ZC2HC1A: variants seen among roughly 807,000 people sequenced by gnomAD.
ZC2HC1A encodes the protein zinc finger C2HC-type containing 1A.
ZC2HC1A carries 28 observed loss-of-function variants against 40.7 expected under a neutral mutation model. That is an observed-to-expected ratio of 0.69 (90% CI 0.51 to 0.94). ZC2HC1A has a LOEUF of 0.94. Ranked by LOEUF, ZC2HC1A falls within the 40% of genes least tolerant of loss-of-function variation. The pLI is 0.00. For missense variants in ZC2HC1A, 389 were observed against 386.3 expected (o/e 1.01, Z -0.06); for synonymous variants, 129 against 129.2 (o/e 1.00, Z 0.01).
chr8:78,679,739 T>C (rs1660973658), intron 3 of ZC2HC1A, among the ~76,000 whole-genome samples: 1 of 152,204 alleles, frequency 6.6e-6, no homozygotes, highest in Non-Finnish European at 1.5e-5. Flanking sequence ...CTTCCAGTGG[T>C]ATAAGAACAT....
chr8:78,713,307 T>C (rs1484440756), intron 7 of ZC2HC1A, among the ~76,000 whole-genome samples: 2 of 152,068 alleles, frequency 1.3e-5, no homozygotes, highest in Non-Finnish European at 2.9e-5. Flanking sequence ...GTATTTAATA[T>C]TGGTAGCTAT....
chr8:78,709,595 C>T (rs1423409616), intron 7 of ZC2HC1A, among the ~76,000 whole-genome samples: 2 of 151,900 alleles, frequency 1.3e-5, no homozygotes, highest in African/African-American at 4.8e-5. Context: ...AGAGGTATGA[C>T]ACATTTCAAA....
At chr8:78,714,460 A>G (rs1811037443) in intron 7 of ZC2HC1A, among the ~76,000 whole-genome samples, 1 of 152,138 alleles carries the variant, frequency 6.6e-6, no homozygotes, top group South Asian at 2.1e-4. Flanking sequence ...TTTTCTCATA[A>G]CCTTTCTATA....
intron 2 of ZC2HC1A, among the ~76,000 whole-genome samples, chr8:78,677,984 G>T (rs912103485): frequency 3.3e-5 from 5 of 152,144 alleles, no homozygotes; most frequent in African/African-American, 1.2e-4. Context: ...GTAACTTCCT[G>T]ATGTTGCCAT....
At position 78,719,257 on chromosome 8, in the gene ZC2HC1A, T is replaced by C. The variant is rs192425869; in HGVS notation, c.*1764T>C. ...GTATTTTTTTAAGACCACATAATTC[T>C]TTTTGTCTGCTCAAGGAAAGGATAG... is the stretch of plus-strand genomic sequence containing the variant. On this transcript the variant is annotated 3_prime_UTR_variant, in exon 9 of 9. Coordinates refer to ENST00000263849, the MANE Select transcript of ZC2HC1A (RefSeq NM_016010.3). The C allele has an allele frequency of 2.0e-5, 3 of 151,888 alleles. No homozygotes were observed. Among genetic ancestry groups the C allele is most frequent in the South Asian group, 2.1e-4 (1 of 4,820 alleles). 9.4% of individuals were successfully genotyped at this position (151,888 alleles called of 1,614,324 possible). A position where few individuals can be genotyped will look rare whatever the true frequency, so the allele number is the denominator to read the frequency against.
intron 7 of ZC2HC1A, among the ~76,000 whole-genome samples, chr8:78,712,959 T>C (rs923447116): frequency 1.3e-5 from 2 of 152,170 alleles, no homozygotes; most frequent in Non-Finnish European, 2.9e-5. Context: ...TTTAAGATAC[T>C]AGCAGCAGCC....
rs1585978586 is a variant in ZC2HC1A, at chr8:78,676,136, A to C, written c.93+273A>C. ...AAAAACAAACAAAATAAAAAAAAAA[A>C]AACAAAATCAGATACCTTAGAAATA... is the stretch of plus-strand genomic sequence containing the variant. On this transcript the variant is annotated intron_variant, in intron 2 of 8. Coordinates refer to ENST00000263849, the MANE Select transcript of ZC2HC1A (RefSeq NM_016010.3). 19 of 254,780 alleles carry C rather than the reference A, an allele frequency of 7.5e-5. No individual in the cohort carries two copies. In the East Asian group the frequency reaches 1.2e-3, roughly 16 times the overall value. The allele number at this position is 254,780 out of a possible 1,614,324, so 15.8% of individuals were successfully genotyped here. A position where few individuals can be genotyped will look rare whatever the true frequency, so the allele number is the denominator to read the frequency against.
intron 3 of ZC2HC1A, among the ~76,000 whole-genome samples, chr8:78,681,363 A>C (rs1809770888): frequency 6.6e-6 from 1 of 152,234 alleles, no homozygotes; most frequent in Non-Finnish European, 1.5e-5. Flanking sequence ...AAAGAACAGC[A>C]GAACATCAGT....
intron 3 of ZC2HC1A, among the ~76,000 whole-genome samples, chr8:78,685,435 T>C (rs1809938148): frequency 1.3e-5 from 2 of 152,246 alleles, no homozygotes; most frequent in South Asian, 4.1e-4. Flanking sequence ...CCAGAGGCCA[T>C]AAAAGATCAG....
chr8:78,699,790 G>A (rs1810541987), intron 7 of ZC2HC1A, among the ~76,000 whole-genome samples: 1 of 152,068 alleles, frequency 6.6e-6, no homozygotes, highest in African/African-American at 2.4e-5. Flanking sequence ...CCCTCCTAAG[G>A]ACATGATCTA....
chr8:78,697,628 G>T, intron 6 of ZC2HC1A, 122 bp downstream of exon 6: 4 of 623,874 alleles, frequency 6.4e-6, no homozygotes, highest in South Asian at 2.2e-5. Flanking sequence ...AGATGTAGAA[G>T]TTAAGTAATT....
chr8:78,676,241 G>A (rs1463486165), intron 2 of ZC2HC1A: 1 of 154,968 alleles, frequency 6.5e-6, no homozygotes, highest in Non-Finnish European at 1.4e-5. Flanking sequence ...AGGGATAGAT[G>A]AAACAAAATA....
intron 1 of ZC2HC1A, among the ~76,000 whole-genome samples, chr8:78,671,320 A>T (rs1395362725): frequency 6.6e-6 from 1 of 152,174 alleles, no homozygotes; most frequent in Non-Finnish European, 1.5e-5. Flanking sequence ...GTAAGGAGAG[A>T]TTGGCTTCTT....
At position 78,717,349 on chromosome 8, in the gene ZC2HC1A, TTCCC is replaced by T; in HGVS notation, c.836_839del (p.Ser279LeufsTer30). The T allele has an allele frequency of 6.2e-7, 1 of 1,609,018 alleles. No homozygotes were observed. Among genetic ancestry groups the T allele is most frequent in the Non-Finnish European group, 8.5e-7 (1 of 1,178,654 alleles). On this transcript the variant is annotated frameshift_variant, in exon 9 of 9. Transcript: ENST00000263849. LOFTEE classifies it high-confidence loss of function. ...TTAGGCCAGATGGGGACTGTGCATC[TTCCC>T]TTAATGGTGGAAATATTAAAGGCAT...
chr8:78,700,329 T>G (rs1464406330), intron 7 of ZC2HC1A, among the ~76,000 whole-genome samples: 1 of 152,074 alleles, frequency 6.6e-6, no homozygotes, highest in South Asian at 2.1e-4. Context: ...TTTTTTTTCT[T>G]GTAAGTTTCT....
chr8:78,680,701 A>C (rs1269869710), intron 3 of ZC2HC1A, among the ~76,000 whole-genome samples: 1 of 152,198 alleles, frequency 6.6e-6, no homozygotes, highest in Non-Finnish European at 1.5e-5. Flanking sequence ...AGCAGTTGAA[A>C]TCCAGGAGAA....
In ZC2HC1A at chr8:78,718,064, C is replaced by T. The variant is rs1217978820; in HGVS notation, c.*571C>T. 1 of 152,032 alleles carries T rather than the reference C, an allele frequency of 6.6e-6. No individual in the cohort carries two copies. Among genetic ancestry groups the T allele is most frequent in the East Asian group, 1.9e-4 (1 of 5,202 alleles). 9.4% of individuals were successfully genotyped at this position (152,032 alleles called of 1,614,324 possible). On this transcript the variant is annotated 3_prime_UTR_variant, in exon 9 of 9. Coordinates refer to ENST00000263849, the MANE Select transcript of ZC2HC1A (RefSeq NM_016010.3). ...AAAACTAAGAGAAAAAAAAACCCCT[C>T]TATTAGTTACGTAATTTAAACATCT...
chr8:78,690,946 C>G (rs1372720046), intron 5 of ZC2HC1A, among the ~76,000 whole-genome samples: 1 of 152,010 alleles, frequency 6.6e-6, no homozygotes, highest in African/African-American at 2.4e-5. Flanking sequence ...CTGCTATTTT[C>G]CTAAATTCAT....
chr8:78,711,004 G>T (rs1173441190), intron 7 of ZC2HC1A, among the ~76,000 whole-genome samples: 1 of 152,084 alleles, frequency 6.6e-6, no homozygotes, highest in East Asian at 1.9e-4. Context: ...ACAGGTATCA[G>T]ATCTATCTTA....
Sources: allele counts gnomAD v4.1 joint callset (sites outside exome capture counted in the v4.1 genomes callset), GRCh38; gene constraint gnomAD v4.1.1; transcripts MANE v1.5; gene names NCBI Gene and HGNC (gene_info 2026-07-23, HGNC 2026-07-21).